The following LPP variants were observed in gnomAD, a reference collection of about 807,000 sequenced individuals.
LPP encodes lipoma-preferred partner.
A neutral mutation model predicts 60.4 loss-of-function variants in LPP; 38 were observed. The observed-to-expected ratio is 0.63, with a 90% CI of 0.49 to 0.83. The LOEUF (loss-of-function observed/expected upper bound fraction) is 0.83. Ranked by LOEUF, LPP falls within the 40% of genes least tolerant of loss-of-function variation. The pLI, the probability that LPP is intolerant of heterozygous loss-of-function variation, is 0.00. For synonymous variants in LPP, 328 were observed against 290.8 expected (o/e 1.13, Z -1.30); for missense variants, 902 against 783.6 (o/e 1.15, Z -1.80).
chr3:188,737,009 A>G (rs1464210789), intron 8 of LPP, among the ~76,000 whole-genome samples: 3 of 152,072 alleles, frequency 2.0e-5, no homozygotes, highest in South Asian at 2.1e-4. Flanking sequence ...GTATTGCCAA[A>G]TTTATATAAA....
intron 4 of LPP, among the ~76,000 whole-genome samples, chr3:188,483,755 G>A (rs1013036089): frequency 2.0e-5 from 3 of 151,984 alleles, no homozygotes; most frequent in African/African-American, 7.2e-5. Flanking sequence ...TTCTTGCCTG[G>A]ATTATGTATA....
At chr3:188,519,531 G>A (rs1488828241) in intron 5 of LPP, among the ~76,000 whole-genome samples, 2 of 152,148 alleles carry the variant, frequency 1.3e-5, no homozygotes, top group Non-Finnish European at 1.5e-5. Context: ...AACACTACTG[G>A]CACCACTAGT....
intron 6 of LPP, among the ~76,000 whole-genome samples, chr3:188,545,192 C>T (rs1325291623): frequency 4.7e-5 from 6 of 126,514 alleles, no homozygotes; most frequent in African/African-American, 1.9e-4. Flanking sequence ...CAGCATGGCA[C>T]ATGTATACAT....
chr3:188,636,391 T>G (rs1038160001), intron 7 of LPP, among the ~76,000 whole-genome samples: 3 of 152,156 alleles, frequency 2.0e-5, no homozygotes, highest in Non-Finnish European at 2.9e-5. Flanking sequence ...TCCCGCACCT[T>G]GCTCGGAGGG....
intron 3 of LPP, among the ~76,000 whole-genome samples, chr3:188,385,355 G>T (rs116720595): frequency 0.01 from 1,532 of 152,226 alleles, 30 homozygotes; most frequent in African/African-American, 0.035. Flanking sequence ...GTGGGGGGGT[G>T]TGAAGAGAGG....
intron 5 of LPP, among the ~76,000 whole-genome samples, chr3:188,497,809 C>T (rs181415716): frequency 3.1e-4 from 47 of 152,212 alleles, no homozygotes; most frequent in Admixed American, 3.9e-4. Flanking sequence ...TTTTCATTTC[C>T]TTTTAGCTCA....
intron 2 of LPP, among the ~76,000 whole-genome samples, chr3:188,296,499 G>T (rs192746163): frequency 6.6e-6 from 1 of 152,174 alleles, no homozygotes; most frequent in Admixed American, 6.5e-5. Context: ...GTTACAGTAG[G>T]TGATAATTTA....
intron 4 of LPP, among the ~76,000 whole-genome samples, chr3:188,424,682 G>T (rs868060715): frequency 6.6e-6 from 1 of 152,040 alleles, no homozygotes; most frequent in Non-Finnish European, 1.5e-5. Context: ...CTTGTAAGTC[G>T]TATTCCTAGG....
Position 188,443,408 on chromosome 3 carries a change from G to T in LPP, c.193+37095G>T, listed in dbSNP as rs1291326184. On this transcript the variant is annotated intron_variant, in intron 4 of 11. Transcript: ENST00000617246. ...CATCACGTGAAGGCTCTGTGGCCTGGCAGGGTTATCTTACGCTATTGAACC... is the reference window on the plus strand; with the variant it reads ...CATCACGTGAAGGCTCTGTGGCCTGTCAGGGTTATCTTACGCTATTGAACC... Among the ~76,000 whole-genome samples, 3 of 152,330 alleles carry T rather than the reference G, an allele frequency of 2.0e-5. No homozygotes were observed. In the East Asian group the frequency reaches 5.8e-4, roughly 29 times the overall value.
At chr3:188,314,291 G>C (rs1754388410) in intron 2 of LPP, among the ~76,000 whole-genome samples, 1 of 151,566 alleles carries the variant, frequency 6.6e-6, no homozygotes, top group Admixed American at 6.6e-5. Flanking sequence ...TGATAGTGTT[G>C]TTATTGTTGT....
At chr3:188,746,591 A>G in intron 8 of LPP, 1 of 476,864 alleles carries the variant, frequency 2.1e-6, no homozygotes, top group Non-Finnish European at 4.2e-6. Context: ...CAGAACTTCA[A>G]ATAAAATCAC....
intron 4 of LPP, among the ~76,000 whole-genome samples, chr3:188,444,176 A>G (rs922623933): frequency 2.5e-4 from 38 of 152,218 alleles, no homozygotes; most frequent in African/African-American, 8.9e-4. Context: ...AATACTTTAA[A>G]CTACAAGGAT....
chr3:188,675,942 G>A (rs374720416), intron 7 of LPP, among the ~76,000 whole-genome samples: 4 of 151,958 alleles, frequency 2.6e-5, no homozygotes, highest in African/African-American at 7.2e-5. Context: ...TCTTACATTG[G>A]AATTCTGTTT....
intron 6 of LPP, among the ~76,000 whole-genome samples, chr3:188,599,751 G>GGGGTGTGTGTGTGTGTGTGTGTGT (rs374294307): frequency 1.4e-5 from 2 of 139,828 alleles, no homozygotes; most frequent in Admixed American, 7.2e-5. Flanking sequence ...ACTCGTTAGG[G>GGGGTGTGTGTGTGTGTGTGTGTGT]GTGTGTGTGT....
chr3:188,794,632 C>A (rs528445075), intron 9 of LPP, among the ~76,000 whole-genome samples: 1 of 152,092 alleles, frequency 6.6e-6, no homozygotes, highest in Non-Finnish European at 1.5e-5. Flanking sequence ...AAAAAGAATT[C>A]GATATCACCT....
At chr3:188,667,586 G>C (rs1856075934) in intron 7 of LPP, among the ~76,000 whole-genome samples, 1 of 151,232 alleles carries the variant, frequency 6.6e-6, no homozygotes, top group South Asian at 2.1e-4. Context: ...TCCAGATGTG[G>C]GAACTGTGGC....
chr3:188,174,249 GTC>G (rs1208044239), intron 1 of LPP, among the ~76,000 whole-genome samples: 1 of 152,182 alleles, frequency 6.6e-6, no homozygotes, highest in African/African-American at 2.4e-5. Flanking sequence ...AGGATATACT[GTC>G]TGTTTTTATT....
At chr3:188,836,592 G>A (rs1758513997) in intron 9 of LPP, among the ~76,000 whole-genome samples, 1 of 152,218 alleles carries the variant, frequency 6.6e-6, no homozygotes, top group Admixed American at 6.5e-5. Context: ...ATGCATGGAT[G>A]AATTTTTCAG....
intron 9 of LPP, among the ~76,000 whole-genome samples, chr3:188,766,478 C>T (rs1176605068): frequency 6.6e-6 from 1 of 151,024 alleles, no homozygotes; most frequent in African/African-American, 2.4e-5. Context: ...ATCATATTAC[C>T]CTCTAATTAA....
Sources: gnomAD v4.1 joint callset for allele counts (sites outside exome capture counted in the v4.1 genomes callset) on GRCh38, gnomAD v4.1.1 for gene constraint, MANE v1.5 for transcripts, NCBI Gene and HGNC (gene_info 2026-07-23, HGNC 2026-07-21) for gene names.